Variants in FRMD4A observed in about 807,000 individuals in gnomAD.
FRMD4A encodes FERM domain containing 4A.
In FRMD4A, 29 loss-of-function variants were observed where a neutral mutation model predicts 129.1. That is an observed-to-expected ratio of 0.22 (90% CI 0.17 to 0.31). The LOEUF is 0.31. Ranked by LOEUF, FRMD4A falls within the 10% of genes least tolerant of loss-of-function variation. The pLI, the probability that FRMD4A is intolerant of heterozygous loss-of-function variation, is 1.00. For missense variants in FRMD4A, 1,272 were observed against 1,375.8 expected (o/e 0.92, Z 1.19); for synonymous variants, 634 against 571.6 (o/e 1.11, Z -1.56).
chr10:13,661,470 G>A (rs1450658017), intron 19 of FRMD4A, among the ~76,000 whole-genome samples: 1 of 152,178 alleles, frequency 6.6e-6, no homozygotes, highest in Non-Finnish European at 1.5e-5. Context: ...GGGAGTAAGG[G>A]CAGAGCTCTG....
At chr10:14,273,070 ACACACACACACACACACACATG>A (rs1331800450) in intron 2 of FRMD4A, among the ~76,000 whole-genome samples, 1 of 151,152 alleles carries the variant, frequency 6.6e-6, no homozygotes, top group Non-Finnish European at 1.5e-5. Context: ...ACACACACAC[ACACACACACACACACACACATG>A]CACACACACA....
chr10:13,793,709 A>G (rs904067885), intron 5 of FRMD4A, among the ~76,000 whole-genome samples: 2 of 152,122 alleles, frequency 1.3e-5, no homozygotes, highest in Non-Finnish European at 2.9e-5. Context: ...AAGTTCTTTT[A>G]TGGACTCAAG....
At chr10:13,652,128 G>A (rs2081672033) in intron 23 of FRMD4A, 154 bp from the exon 24 acceptor site, 1 of 658,542 alleles carries the variant, frequency 1.5e-6, no homozygotes, top group Non-Finnish European at 2.8e-6. Flanking sequence ...AAGTCATGCA[G>A]TACTTTCAGT....
chr10:13,727,682 G>C (rs1371584423), intron 12 of FRMD4A: 3 of 152,174 alleles, frequency 2.0e-5, no homozygotes, highest in Non-Finnish European at 4.4e-5. Flanking sequence ...ACAACACTCG[G>C]GAGTAGAGAG....
At chr10:14,185,725 A>C (rs956610541) in intron 2 of FRMD4A, among the ~76,000 whole-genome samples, 8 of 152,200 alleles carry the variant, frequency 5.3e-5, no homozygotes, top group African/African-American at 1.9e-4. Flanking sequence ...AGTTCTAGAG[A>C]GAAGGGATGG....
intron 2 of FRMD4A, among the ~76,000 whole-genome samples, chr10:13,941,154 A>T (rs1403497338): frequency 6.6e-6 from 1 of 152,164 alleles, no homozygotes; most frequent in Non-Finnish European, 1.5e-5. Flanking sequence ...CATAATTCCC[A>T]GGTGTTGTGG....
intron 2 of FRMD4A, among the ~76,000 whole-genome samples, chr10:14,160,962 T>A (rs1382141665): frequency 6.6e-6 from 1 of 152,168 alleles, no homozygotes; most frequent in Non-Finnish European, 1.5e-5. Flanking sequence ...AAGATTTTTT[T>A]TTTCTCTTGA....
chr10:13,682,493 CTTTCTTT>C (rs1468597912), intron 15 of FRMD4A, among the ~76,000 whole-genome samples: 1 of 96,262 alleles, frequency 1.0e-5, no homozygotes. Context: ...CATTTTCTTT[CTTTCTTT>C]TTTTTTTTTT....
intron 2 of FRMD4A, among the ~76,000 whole-genome samples, chr10:14,274,461 T>C (rs188695540): frequency 2.0e-5 from 3 of 152,186 alleles, no homozygotes; most frequent in Admixed American, 6.5e-5. Context: ...AGAGGTGTGG[T>C]TCGCTCTGAG....
intron 14 of FRMD4A, among the ~76,000 whole-genome samples, chr10:13,697,094 C>T (rs906312738): frequency 2.0e-5 from 3 of 151,878 alleles, no homozygotes; most frequent in African/African-American, 7.3e-5. Flanking sequence ...CAAAAGGCAT[C>T]CTTCCTAAAG....
intron 2 of FRMD4A, among the ~76,000 whole-genome samples, chr10:14,039,231 T>G (rs1833645381): frequency 6.6e-6 from 1 of 152,190 alleles, no homozygotes. Flanking sequence ...AATTGTATCG[T>G]TATTTAATTA....
chr10:14,108,370 A>T (rs555793599), intron 2 of FRMD4A, among the ~76,000 whole-genome samples: 1 of 152,210 alleles, frequency 6.6e-6, no homozygotes, highest in Non-Finnish European at 1.5e-5. Flanking sequence ...CTGATCACCA[A>T]ATCTGTCTGA....
intron 15 of FRMD4A, among the ~76,000 whole-genome samples, chr10:13,682,305 G>C (rs1470627134): frequency 1.3e-5 from 2 of 152,068 alleles, no homozygotes; most frequent in Non-Finnish European, 2.9e-5. Flanking sequence ...AGATGAGAAA[G>C]TCCATTTCGT....
At chr10:14,192,319 TTA>T (rs1193557032) in intron 2 of FRMD4A, among the ~76,000 whole-genome samples, 10 of 152,260 alleles carry the variant, frequency 6.6e-5, no homozygotes, top group African/African-American at 2.4e-4. Context: ...CCTGTTTTGC[TTA>T]TCTTATTTGG....
intron 17 of FRMD4A, among the ~76,000 whole-genome samples, chr10:13,669,056 A>ATTTT (rs2083291741): frequency 2.4e-5 from 2 of 85,028 alleles, no homozygotes; most frequent in Non-Finnish European, 4.6e-5. Context: ...ACTGAGCTTT[A>ATTTT]GTTTTTTTTT....
At chr10:14,243,243 G>A (rs533807901) in intron 2 of FRMD4A, among the ~76,000 whole-genome samples, 2 of 152,282 alleles carry the variant, frequency 1.3e-5, no homozygotes, top group East Asian at 1.9e-4. Flanking sequence ...TAATCCTCAC[G>A]TGTCGAGGGA....
chr10:14,203,360 A>G (rs1327092824), intron 2 of FRMD4A, among the ~76,000 whole-genome samples: 1 of 152,184 alleles, frequency 6.6e-6, no homozygotes, highest in African/African-American at 2.4e-5. Flanking sequence ...CCAAATTTAC[A>G]TCGCTGTTTT....
chr10:14,109,226 A>C (rs1837745622), intron 2 of FRMD4A, among the ~76,000 whole-genome samples: 1 of 149,110 alleles, frequency 6.7e-6, no homozygotes, highest in East Asian at 2.0e-4. Flanking sequence ...AAAAAAAAAA[A>C]GCCTCCAAAG....
At chr10:14,116,685 T>C (rs749534922) in intron 2 of FRMD4A, among the ~76,000 whole-genome samples, 2 of 152,098 alleles carry the variant, frequency 1.3e-5, no homozygotes, top group African/African-American at 2.4e-5. Context: ...AGTAAACAAA[T>C]GCCATGTTAT....
Sources: allele counts gnomAD v4.1 joint callset (sites outside exome capture counted in the v4.1 genomes callset), GRCh38; gene constraint gnomAD v4.1.1; transcripts MANE v1.5; gene names NCBI Gene and HGNC (gene_info 2026-07-23, HGNC 2026-07-21).